Variants in DNHD1 observed in about 807,000 individuals in gnomAD.
DNHD1 encodes the protein dynein heavy chain domain 1, also known as dynein heavy chain domain-containing protein 1.
A neutral mutation model predicts 458.1 loss-of-function variants in DNHD1; 383 were observed. That is an observed-to-expected ratio of 0.84 (90% CI 0.77 to 0.91). DNHD1 has a LOEUF of 0.91. Ranked by LOEUF, DNHD1 falls within the 40% of genes least tolerant of loss-of-function variation. The pLI, the probability that DNHD1 is intolerant of heterozygous loss-of-function variation, is 0.00. For synonymous variants in DNHD1, 2,203 were observed against 2,376.9 expected (o/e 0.93, Z 2.13); for missense variants, 5,336 against 5,866.1 (o/e 0.91, Z 2.95).
In DNHD1 at chr11:6,528,907, C is replaced by T. The variant is rs1419947481; in HGVS notation, c.2133C>T (p.Cys711=). 3 of 1,551,716 alleles carry T rather than the reference C, an allele frequency of 1.9e-6. No individual in the cohort carries two copies. The highest frequency in any genetic ancestry group is 1.2e-5 in the South Asian group (1 of 84,064). The change falls in exon 12 of 43, where the codon TGC becomes TGT. Residue 711 remains cysteine (C), a synonymous_variant. Transcript: ENST00000254579. ...TGCTGTGCAAGGTGCAGGAATTCTGCAGGGAACATCATTGGATAACAGGCA... is the reference window on the plus strand; with the variant it reads ...TGCTGTGCAAGGTGCAGGAATTCTGTAGGGAACATCATTGGATAACAGGCA... The part of the protein sequence containing the change: ...EGVLCKVQEF[C]REHHWITGIY...
In DNHD1 at chr11:6,548,799, G is replaced by A. The variant is rs764009184; in HGVS notation, c.7253G>A (p.Ser2418Asn). ...TACAGCCCCATCCACCCTGCCTTCA[G>A]TTCCTCCCACCTCCGTCTCCTGCTG... is the stretch of plus-strand genomic sequence containing the variant. ...YIYSPIHPAF[S>N]SSHLRLLLSR... The change falls in exon 24 of 43, where the codon AGT becomes AAT. Residue 2418 changes from serine (S) to asparagine (N), a missense_variant. By Grantham distance (46) the Ser-to-Asn change is conservative. This residue lies in a region of DNHD1 where 3,932 missense variants were observed against 4,365.6 expected (regional missense o/e 0.90). Transcript: ENST00000254579. The surrounding 1 kb of genome is among the most constrained non-coding windows in gnomAD (Gnocchi z 4.4). 6.4e-7 allele frequency: 1 copy of A among 1,551,658 alleles called. No individual in the cohort carries two copies. The highest frequency in any genetic ancestry group is 1.2e-5 in the South Asian group (1 of 84,054).
At position 6,505,998 on chromosome 11, in the gene DNHD1, G is replaced by A. The variant is rs568186563; in HGVS notation, c.921-2882G>A. 3.3e-5 allele frequency among the ~76,000 whole-genome samples: 5 copies of A among 152,126 alleles called. No individual in the cohort carries two copies. Among genetic ancestry groups the A allele is most frequent in the Admixed American group, 1.3e-4 (2 of 15,276 alleles). ...TCTTTTATAATTAGAGAAGCATCTCGATCAAAGACAGTTAGGCACATAAAG... is the reference window on the plus strand; with the variant it reads ...TCTTTTATAATTAGAGAAGCATCTCAATCAAAGACAGTTAGGCACATAAAG... On this transcript the variant is annotated intron_variant, in intron 4 of 42. Transcript: ENST00000254579. This position sits in a 1 kb window ranked among gnomAD's most constrained non-coding sequence, Gnocchi z 4.4.
chr11:6,568,908 C>T, intron 39 of DNHD1, 42 bp downstream of exon 39: 3 of 1,551,632 alleles, frequency 1.9e-6, no homozygotes, highest in East Asian at 4.7e-5. Context: ...AATCACTCAA[C>T]AAACATTGAG....
intron 34 of DNHD1, 72 bp from the exon 35 acceptor site, chr11:6,566,515 A>G: frequency 6.4e-7 from 1 of 1,564,988 alleles, no homozygotes. Context: ...GCAGGGAGCC[A>G]TACTCCCTGT....
Position 6,556,849 on chromosome 11 carries a change from C to CT in DNHD1, c.7557dup (p.Arg2520SerfsTer29). 1 of 1,551,730 alleles carries CT rather than the reference C, an allele frequency of 6.4e-7. No homozygotes were observed. The highest frequency in any genetic ancestry group is 2.4e-5 in the East Asian group (1 of 40,918). ...GTGAGCGCCCACTGTGTCCACGCCTCTTTCGACTCTTCACAGTCCTGGCCC... is the reference window on the plus strand; with the variant it reads ...GTGAGCGCCCACTGTGTCCACGCCTCTTTTCGACTCTTCACAGTCCTGGCCC... On this transcript the variant is annotated frameshift_variant, in exon 25 of 43. Transcript: ENST00000254579. LOFTEE classifies it high-confidence loss of function.
rs1853698181 is a variant in DNHD1, at chr11:6,566,381, G to A, written c.11194G>A (p.Ala3732Thr). Reference protein sequence around the residue: ...LYLSTTLSLCAMEKVLGCELL... With the variant: ...LYLSTTLSLCTMEKVLGCELL... ...TCTCAGCACCACCCTCTCCCTCTGT[G>A]CCATGGAAAAAGGTGAGGCCCAGAG... The change falls in exon 34 of 43, where the codon GCC becomes ACC. Residue 3732 changes from alanine (A) to threonine (T), a missense_variant. By Grantham distance (58) the Ala-to-Thr change is moderately conservative. Transcript: ENST00000254579. 2 of 1,559,098 alleles carry A rather than the reference G, an allele frequency of 1.3e-6. No individual in the cohort carries two copies. Among genetic ancestry groups the A allele is most frequent in the South Asian group, 2.4e-5 (2 of 84,440 alleles).
intron 4 of DNHD1, among the ~76,000 whole-genome samples, chr11:6,504,947 C>T (rs564830540): frequency 2.0e-5 from 3 of 152,340 alleles, no homozygotes; most frequent in African/African-American, 7.2e-5. Context: ...CCTCCCACCT[C>T]AGCCTCCCAT....
intron 34 of DNHD1, 36 bp from the exon 35 acceptor site, chr11:6,566,551 G>C: frequency 2.5e-6 from 4 of 1,609,232 alleles, no homozygotes; most frequent in Non-Finnish European, 3.4e-6. Flanking sequence ...GCTCTGCCAA[G>C]GGGAAGAGGT....
At chr11:6,512,211 CTTTTTTTTTTTTT>C (rs11287049) in intron 7 of DNHD1, among the ~76,000 whole-genome samples, 1 of 91,630 alleles carries the variant, frequency 1.1e-5, no homozygotes, top group Non-Finnish European at 2.0e-5. Context: ...CTTTTTCTTT[CTTTTTTTTTTTTT>C]TTTTTTTTTT....
At chr11:6,558,726 C>T (rs1300549214) in intron 26 of DNHD1, 33 bp downstream of exon 26, 28 of 1,541,726 alleles carry the variant, frequency 1.8e-5, no homozygotes, top group Non-Finnish European at 2.4e-5. Flanking sequence ...TACCACTCAT[C>T]TCTACCAGGC....
At chr11:6,551,956 G>A (rs890764931) in intron 24 of DNHD1, among the ~76,000 whole-genome samples, 3 of 147,560 alleles carry the variant, frequency 2.0e-5, no homozygotes, top group African/African-American at 7.8e-5. Flanking sequence ...AAAAAAAGGG[G>A]AGCCAGGCAT....
chr11:6,533,543 C>T (rs1852875908), intron 13 of DNHD1, 138 bp from the exon 14 acceptor site: 1 of 1,097,954 alleles, frequency 9.1e-7, no homozygotes, highest in South Asian at 1.7e-5. Flanking sequence ...GGAGAGATTG[C>T]CCCTGATTCC....
At position 6,571,020 on chromosome 11, in the gene DNHD1, T is replaced by C. The variant is rs768689680; in HGVS notation, c.13508T>C (p.Leu4503Pro). ...TTGGTGGGCACGCTACAACGCGACCTTGATTGCCTGTTGCAGCAGCTGAAG... is the reference window on the plus strand; with the variant it reads ...TTGGTGGGCACGCTACAACGCGACCCTGATTGCCTGTTGCAGCAGCTGAAG... ...SQLVGTLQRD[L>P]DCLLQQLKGA... Residue 4503 changes from leucine to proline, a missense_variant, in exon 42 of 43, where the codon CTT becomes CCT. Leu to Pro is a moderately conservative substitution (Grantham distance 98). Around this residue, in one of 4 missense-constraint regions of DNHD1, gnomAD observed 698 missense variants for 664.9 expected, o/e 1.05. Coordinates refer to ENST00000254579, the MANE Select transcript of DNHD1 (RefSeq NM_144666.3). The surrounding 1 kb of genome is among the most constrained non-coding windows in gnomAD (Gnocchi z 5.0). 4.4e-6 allele frequency: 7 copies of C among 1,590,872 alleles called. No individual in the cohort carries two copies. Among genetic ancestry groups the C allele is most frequent in the African/African-American group, 2.7e-5 (2 of 74,470 alleles).
chr11:6,523,978 C>T (rs1459476691), intron 10 of DNHD1, among the ~76,000 whole-genome samples: 1 of 152,052 alleles, frequency 6.6e-6, no homozygotes, highest in East Asian at 1.9e-4. Flanking sequence ...ACAGAGATAC[C>T]AAATCTAAAA....
At position 6,497,933 on chromosome 11, in the gene DNHD1, T is replaced by G; in HGVS notation, c.-283T>G. The G allele has an allele frequency of 2.1e-6, 1 of 478,662 alleles. No homozygotes were observed. Among genetic ancestry groups the G allele is most frequent in the South Asian group, 2.5e-5 (1 of 40,078 alleles). 29.7% of individuals were successfully genotyped at this position (478,662 alleles called of 1,614,324 possible). The stretch of plus-strand genomic sequence containing the variant: ...GTCTTAGGCCTGCTCCTTACCAGAG[T>G]CTTTGGGGAAGCAGTAGGGAGGGCC... On this transcript the variant is annotated 5_prime_UTR_variant, in exon 3 of 43. Coordinates refer to ENST00000254579, the MANE Select transcript of DNHD1 (RefSeq NM_144666.3).
intron 7 of DNHD1, among the ~76,000 whole-genome samples, chr11:6,514,064 T>C (rs1476278334): frequency 6.6e-6 from 1 of 152,070 alleles, no homozygotes; most frequent in Non-Finnish European, 1.5e-5. Flanking sequence ...GCCAGGATGG[T>C]CTCAATCTCC....
Position 6,557,100 on chromosome 11 carries a change from A to G in DNHD1, c.7805A>G (p.Gln2602Arg). The change falls in exon 25 of 43, where the codon CAG (glutamine) becomes CGG (arginine). Residue 2602 changes from glutamine (Q) to arginine (R), a missense_variant. Transcript: ENST00000254579. ...HSVSHLLSSL[Q>R]LLPNRTGSRG... Reference sequence around the variant, plus strand: ...GTGAGCCACCTACTGAGCAGCCTGCAGCTGCTGCCCAACAGAACAGGCTCC... The same window carrying G: ...GTGAGCCACCTACTGAGCAGCCTGCGGCTGCTGCCCAACAGAACAGGCTCC... 1.3e-6 allele frequency: 2 copies of G among 1,551,722 alleles called. No individual in the cohort carries two copies. The highest frequency in any genetic ancestry group is 8.7e-7 in the Non-Finnish European group (1 of 1,146,988).
At chr11:6,516,456 C>A (rs189355558) in intron 7 of DNHD1, among the ~76,000 whole-genome samples, 1 of 151,926 alleles carries the variant, frequency 6.6e-6, no homozygotes, top group Non-Finnish European at 1.5e-5. Flanking sequence ...CACCACCACG[C>A]CTGGCTAATT....
rs753244112 is a variant in DNHD1 at position 6,528,775 on chromosome 11, G to A, written c.2091G>A (p.Gln697=). 2.1e-5 allele frequency: 32 copies of A among 1,551,092 alleles called. No individual in the cohort carries two copies. In the South Asian group the frequency reaches 3.8e-4, roughly 18 times the overall value. Residue 697 remains glutamine (Q), a synonymous_variant, in exon 11 of 43, where the codon CAG becomes CAA. Coordinates refer to ENST00000254579, the MANE Select transcript of DNHD1 (RefSeq NM_144666.3). ...TCCAGCAGGCACTGAATATACAACA[G>A]GTGCTGCTGGAGGTGAGAACAGTGG... ...PKIQQALNIQ[Q]VLLEGVLCKV...
Sources: allele counts gnomAD v4.1 joint callset (sites outside exome capture counted in the v4.1 genomes callset), GRCh38; gene constraint gnomAD v4.1.1; regional missense constraint gnomAD v4.1.1; non-coding constraint Gnocchi (gnomAD v3.1); transcripts MANE v1.5; gene names NCBI Gene and HGNC (gene_info 2026-07-23, HGNC 2026-07-21).